EFCAB5: variants seen among roughly 807,000 people sequenced by gnomAD.
The protein encoded by EFCAB5 is EF-hand calcium binding domain 5.
In EFCAB5, 131 loss-of-function variants were observed where a neutral mutation model predicts 167.9. The ratio of observed to expected loss-of-function variants is 0.78; its 90% CI spans 0.68 to 0.90. EFCAB5 has a LOEUF of 0.90. Among genes scored for constraint, EFCAB5 ranks in the 40% least tolerant of loss-of-function variants. EFCAB5 has a pLI of 0.00. For missense variants in EFCAB5, 1,663 were observed against 1,745.2 expected, an observed-to-expected ratio of 0.95 and a Z score of 0.84; for synonymous variants, 574 against 602.8, an observed-to-expected ratio of 0.95 and a Z score of 0.70.
chr17:30,052,932 G>C (rs1163764882), intron 9 of EFCAB5, among the ~76,000 whole-genome samples: 1 of 152,174 alleles, frequency 6.6e-6, no homozygotes, highest in Non-Finnish European at 1.5e-5. Context: ...GATGCTTATT[G>C]TAGGAGACCA....
At chr17:30,082,109 C>A (rs2070998684) in intron 17 of EFCAB5, among the ~76,000 whole-genome samples, 1 of 152,198 alleles carries the variant, frequency 6.6e-6, no homozygotes. Context: ...ACTACGTAAT[C>A]TAGCACACTG....
intron 22 of EFCAB5, among the ~76,000 whole-genome samples, chr17:30,101,934 C>T (rs1269875238): frequency 6.6e-6 from 1 of 152,208 alleles, no homozygotes; most frequent in Non-Finnish European, 1.5e-5. Flanking sequence ...TACCTTGGAA[C>T]AGCCCAAGTT....
chr17:29,962,923 C>T (rs1232814554), intron 3 of EFCAB5, among the ~76,000 whole-genome samples: 4 of 151,906 alleles, frequency 2.6e-5, no homozygotes, highest in Non-Finnish European at 5.9e-5. Flanking sequence ...TACTGAGTGT[C>T]GTGTTAACTG....
chr17:29,986,637 A>ATTTTTTTTTTTTTTTTT (rs911310972), intron 4 of EFCAB5, among the ~76,000 whole-genome samples: 2 of 58,056 alleles, frequency 3.4e-5, no homozygotes, highest in African/African-American at 7.0e-5. Context: ...GAGTATATTC[A>ATTTTTTTTTTTTTTTTT]TTTTTTTTTT....
At chr17:30,029,870 A>G (rs996648338) in intron 7 of EFCAB5, among the ~76,000 whole-genome samples, 1 of 152,208 alleles carries the variant, frequency 6.6e-6, no homozygotes, top group Admixed American at 6.5e-5. Context: ...AGAGCTATAG[A>G]ATCTTATAAT....
chr17:30,074,451 C>CT (rs760686603), intron 14 of EFCAB5: 5 of 152,174 alleles, frequency 3.3e-5, no homozygotes, highest in Non-Finnish European at 7.3e-5. Flanking sequence ...CATAATTTTT[C>CT]TTGAGAGTCT....
chr17:30,014,877 C>A (rs916773430), intron 7 of EFCAB5, among the ~76,000 whole-genome samples: 3 of 152,174 alleles, frequency 2.0e-5, no homozygotes, highest in Admixed American at 6.6e-5. Context: ...TTAGTTGATG[C>A]AGTTTCTTCC....
intron 4 of EFCAB5, among the ~76,000 whole-genome samples, chr17:29,979,423 A>C (rs529933527): frequency 4.6e-5 from 7 of 152,310 alleles, no homozygotes; most frequent in Non-Finnish European, 8.8e-5. Context: ...GCATATAGTC[A>C]CAATGACCAC....
Position 29,968,979 on chromosome 17 carries a change from C to G in EFCAB5, c.379C>G (p.Gln127Glu). 2.5e-6 allele frequency: 4 copies of G among 1,588,530 alleles called. No homozygotes were observed. The highest frequency in any genetic ancestry group is 3.4e-6 in the Non-Finnish European group (4 of 1,168,272). The change falls in exon 4 of 23, where the codon CAA becomes GAA. Residue 127 changes from glutamine to glutamate, a missense_variant. Physicochemically the swap from Gln to Glu is conservative, Grantham distance 29. Coordinates refer to ENST00000394835, the MANE Select transcript of EFCAB5 (RefSeq NM_198529.4). ...TTTTGAAAGAATGGAGGCAAGAGCC[C>G]AAGCAATGCAGCAGAAAATAATAGA... ...NLFERMEARA[Q>E]AMQQKIIDKE...
chr17:30,096,857 T>A (rs2071302164), intron 22 of EFCAB5, among the ~76,000 whole-genome samples: 1 of 146,654 alleles, frequency 6.8e-6, no homozygotes, highest in Non-Finnish European at 1.5e-5. Context: ...TTTTTGTATT[T>A]TTAGTAGAGA....
At chr17:30,001,656 C>T (rs1224101073) in intron 7 of EFCAB5, among the ~76,000 whole-genome samples, 5 of 151,744 alleles carry the variant, frequency 3.3e-5, no homozygotes, top group Admixed American at 6.6e-5. Flanking sequence ...ATTATGTCTC[C>T]ATAAAAGATA....
intron 4 of EFCAB5, among the ~76,000 whole-genome samples, chr17:29,969,593 G>A (rs1487047354): frequency 6.6e-6 from 1 of 152,084 alleles, no homozygotes; most frequent in Non-Finnish European, 1.5e-5. Flanking sequence ...CACTATGACT[G>A]CAAGTGTATA....
At position 30,063,041 on chromosome 17, in the gene EFCAB5, G is replaced by A. The variant is rs139373976; in HGVS notation, c.2737+3340G>A. 6.5e-4 allele frequency among the ~76,000 whole-genome samples: 99 copies of A among 152,228 alleles called. 1 individual carries two copies. In the Middle Eastern group the frequency reaches 0.017, roughly 26 times the overall value. On this transcript the variant is annotated intron_variant, in intron 14 of 22. Transcript: ENST00000394835. ...CTACACATCCCAGTGCTGAGTTGAC[G>A]TAGTAACCTGTGTCCCAAGGAAACA...
At chr17:29,939,201 A>G (rs572264992), upstream of EFCAB5, among the ~76,000 whole-genome samples, 4 of 152,304 alleles carry the variant, frequency 2.6e-5, no homozygotes, top group African/African-American at 7.2e-5. Context: ...ATGAACAGTA[A>G]TATTTTGAAA....
rs1178839773 is a variant in EFCAB5 at position 30,027,295 on chromosome 17, T to C, written c.1045-6935T>C. ...CCACCATGCCCAGCCACACCAGTCT[T>C]TTTTTTTTTTTTTTTTTTTTTTTTA... On this transcript the variant is annotated intron_variant, in intron 7 of 22. Transcript: ENST00000394835. Among the ~76,000 whole-genome samples, 3 of 140,588 alleles carry C rather than the reference T, an allele frequency of 2.1e-5. No homozygotes were observed. In the East Asian group the frequency reaches 6.2e-4, roughly 29 times the overall value. 92.2% of individuals were successfully genotyped at this position (140,588 alleles called of 152,430 possible).
intron 7 of EFCAB5, among the ~76,000 whole-genome samples, chr17:30,023,642 A>G (rs1219372408): frequency 6.6e-6 from 1 of 152,070 alleles, no homozygotes; most frequent in African/African-American, 2.4e-5. Flanking sequence ...AACTATTCCA[A>G]TCAATAGAAA....
At chr17:30,073,880 G>A (rs897011678) in intron 14 of EFCAB5, 4 of 347,218 alleles carry the variant, frequency 1.2e-5, no homozygotes, top group Admixed American at 4.6e-5. Flanking sequence ...GGGTAACATT[G>A]CAAAAACCAT....
At chr17:30,025,620 A>G (rs1207957980) in intron 7 of EFCAB5, among the ~76,000 whole-genome samples, 2 of 152,216 alleles carry the variant, frequency 1.3e-5, no homozygotes, top group Non-Finnish European at 2.9e-5. Context: ...GCGATTCCTC[A>G]GGGATCTAGA....
chr17:29,947,378 C>A (rs1369132640), intron 3 of EFCAB5, among the ~76,000 whole-genome samples: 2 of 151,974 alleles, frequency 1.3e-5, no homozygotes, highest in East Asian at 3.9e-4. Flanking sequence ...TATGCAAAGA[C>A]ATGCCGAGCG....
Sources: gnomAD v4.1 joint callset for allele counts (sites outside exome capture counted in the v4.1 genomes callset) on GRCh38, gnomAD v4.1.1 for gene constraint, MANE v1.5 for transcripts, NCBI Gene and HGNC (gene_info 2026-07-23, HGNC 2026-07-21) for gene names.